CNTN5: variants seen among roughly 807,000 people sequenced by gnomAD.
The protein encoded by CNTN5 is contactin-5.
Under a neutral mutation model 129.1 loss-of-function variants are expected in CNTN5, and 77 were observed. The observed-to-expected ratio is 0.60, with a 90% CI of 0.50 to 0.72. The LOEUF is 0.72. CNTN5 is among the 30% of genes least tolerant of loss of function. The pLI, the probability that CNTN5 is intolerant of heterozygous loss-of-function variation, is 0.00. For missense variants in CNTN5, 1,478 were observed against 1,328.8 expected, an observed-to-expected ratio of 1.11 and a Z score of -1.75; for synonymous variants, 509 against 465.6, an observed-to-expected ratio of 1.09 and a Z score of -1.20.
chr11:100,228,940 C>A (rs1178610334), intron 16 of CNTN5, among the ~76,000 whole-genome samples: 4 of 152,116 alleles, frequency 2.6e-5, no homozygotes, highest in African/African-American at 4.8e-5. Flanking sequence ...CACAGGACCC[C>A]TTGTTCAAAA....
At chr11:99,477,886 A>G (rs1193482431) in intron 2 of CNTN5, among the ~76,000 whole-genome samples, 4 of 152,078 alleles carry the variant, frequency 2.6e-5, no homozygotes, top group African/African-American at 4.8e-5. Context: ...TAAATATTGG[A>G]GGTACAATAT....
chr11:100,036,975 G>C (rs1490201181), intron 9 of CNTN5, among the ~76,000 whole-genome samples: 1 of 150,898 alleles, frequency 6.6e-6, no homozygotes, highest in Admixed American at 6.6e-5. Context: ...TCTCCTGCCT[G>C]ATTGCCCTGC....
intron 1 of CNTN5, among the ~76,000 whole-genome samples, chr11:99,317,874 C>A (rs544382804): frequency 1.2e-4 from 18 of 151,982 alleles, no homozygotes; most frequent in Admixed American, 6.6e-4. Context: ...TGCTTTATAG[C>A]AGATGAGTTT....
chr11:100,010,198 A>T (rs1940440455), intron 9 of CNTN5, among the ~76,000 whole-genome samples: 1 of 152,144 alleles, frequency 6.6e-6, no homozygotes, highest in African/African-American at 2.4e-5. Context: ...GATGTTTTCA[A>T]CTGGGTGTGC....
At chr11:99,244,109 T>A (rs1193133666) in intron 1 of CNTN5, among the ~76,000 whole-genome samples, 1 of 152,186 alleles carries the variant, frequency 6.6e-6, no homozygotes, top group Admixed American at 6.5e-5. Flanking sequence ...TAGAATGTTT[T>A]TTCCATTTGT....
At chr11:99,340,791 T>C (rs1316736429) in intron 2 of CNTN5, among the ~76,000 whole-genome samples, 3 of 152,204 alleles carry the variant, frequency 2.0e-5, no homozygotes, top group Non-Finnish European at 4.4e-5. Context: ...TTAATGAAAG[T>C]AATTAATTGC....
intron 2 of CNTN5, among the ~76,000 whole-genome samples, chr11:99,387,589 T>C (rs1322373903): frequency 1.3e-5 from 2 of 152,160 alleles, no homozygotes; most frequent in African/African-American, 4.8e-5. Context: ...CACCTAGTAA[T>C]CATGAAATGT....
chr11:100,062,591 G>A (rs17696027), intron 10 of CNTN5, among the ~76,000 whole-genome samples: 15,207 of 152,224 alleles, frequency 0.1, 887 homozygotes, highest in East Asian at 0.18. Context: ...TCTGTGTGCA[G>A]TGATAAAGGC....
intron 21 of CNTN5, chr11:100,337,569 G>C (rs1952061190): frequency 1.3e-6 from 1 of 743,434 alleles, no homozygotes. Context: ...GAGCAATGAG[G>C]GGCACGTCTA....
intron 1 of CNTN5, among the ~76,000 whole-genome samples, chr11:99,315,716 A>G (rs1455213454): frequency 6.7e-6 from 1 of 149,510 alleles, no homozygotes; most frequent in African/African-American, 2.4e-5. Context: ...TATATTGAAT[A>G]GACAAAGTTT....
intron 3 of CNTN5, among the ~76,000 whole-genome samples, chr11:99,779,837 T>C (rs576467667): frequency 6.6e-6 from 1 of 152,130 alleles, no homozygotes; most frequent in Non-Finnish European, 1.5e-5. Flanking sequence ...CTATAAGTTC[T>C]CAGTGGCTGT....
At chr11:99,810,083 GT>G (rs1946385208) in intron 3 of CNTN5, among the ~76,000 whole-genome samples, 2 of 151,824 alleles carry the variant, frequency 1.3e-5, no homozygotes, top group South Asian at 4.2e-4. Flanking sequence ...AACACTATAG[GT>G]TTTTAAAAAC....
intron 11 of CNTN5, 28 bp downstream of exon 11, chr11:100,070,588 T>C: frequency 6.2e-7 from 1 of 1,610,436 alleles, no homozygotes; most frequent in African/African-American, 1.3e-5. Context: ...TAACCTGTTC[T>C]GCTGTAATTT....
At chr11:100,038,661 G>T (rs1166802214) in intron 9 of CNTN5, among the ~76,000 whole-genome samples, 7 of 151,936 alleles carry the variant, frequency 4.6e-5, no homozygotes, top group South Asian at 2.1e-4. Flanking sequence ...CCTGTATTGG[G>T]TGCATATATA....
chr11:99,233,050 A>C (rs902833354), intron 1 of CNTN5, among the ~76,000 whole-genome samples: 1 of 152,346 alleles, frequency 6.6e-6, no homozygotes, highest in East Asian at 1.9e-4. Flanking sequence ...TAGTTCCTGA[A>C]GAATCATCTT....
In CNTN5 at chr11:99,021,142, A is replaced by G. The variant is rs1349024285; in HGVS notation, c.-338A>G. 2.0e-5 allele frequency: 3 copies of G among 152,432 alleles called. No individual in the cohort carries two copies. Among genetic ancestry groups the G allele is most frequent in the East Asian group, 1.9e-4 (1 of 5,180 alleles). The allele number at this position is 152,432 out of a possible 1,614,324, so 9.4% of individuals were successfully genotyped here. A position where few individuals can be genotyped will look rare whatever the true frequency, so the allele number is the denominator to read the frequency against. ...CCTCTGAATGATTAAGAACTCCGCA[A>G]TTCGCCTCTGCCACAGGCTGCAAAG... On this transcript the variant is annotated 5_prime_UTR_variant, in exon 1 of 25. Coordinates refer to ENST00000524871, the MANE Select transcript of CNTN5 (RefSeq NM_014361.4).
At chr11:100,003,817 G>A (rs1940028264) in intron 9 of CNTN5, 1 of 152,110 alleles carries the variant, frequency 6.6e-6, no homozygotes, top group Non-Finnish European at 1.5e-5. Flanking sequence ...ACATAAAAGG[G>A]AGTGTAAAGA....
intron 9 of CNTN5, among the ~76,000 whole-genome samples, chr11:100,052,483 T>A (rs1591138576): frequency 6.6e-6 from 1 of 151,762 alleles, no homozygotes; most frequent in African/African-American, 2.4e-5. Context: ...AAAATTAATA[T>A]TTAGGGATAA....
chr11:100,291,919 C>A (rs1950989313), intron 18 of CNTN5, among the ~76,000 whole-genome samples: 1 of 151,668 alleles, frequency 6.6e-6, no homozygotes, highest in Non-Finnish European at 1.5e-5. Context: ...GTTTTTTCTT[C>A]TCCCGCCATT....
Sources: allele counts gnomAD v4.1 joint callset (sites outside exome capture counted in the v4.1 genomes callset), GRCh38; gene constraint gnomAD v4.1.1; transcripts MANE v1.5; gene names NCBI Gene and HGNC (gene_info 2026-07-23, HGNC 2026-07-21).